NDC1: variants seen among roughly 807,000 people sequenced by gnomAD.
NDC1 encodes the protein NDC1 transmembrane nucleoporin.
Under a neutral mutation model 89.8 loss-of-function variants are expected in NDC1, and 24 were observed. The ratio of observed to expected loss-of-function variants is 0.27; its 90% CI spans 0.19 to 0.38. NDC1 has a LOEUF of 0.38. Ranked by LOEUF, NDC1 falls within the 10% of genes least tolerant of loss-of-function variation. NDC1 has a pLI of 1.00. For synonymous variants in NDC1, 296 were observed against 284.8 expected (o/e 1.04, Z -0.39); for missense variants, 728 against 797.6 (o/e 0.91, Z 1.05).
intron 9 of NDC1, among the ~76,000 whole-genome samples, chr1:53,806,031 G>A (rs1262507846): frequency 6.6e-6 from 1 of 151,956 alleles, no homozygotes; most frequent in Non-Finnish European, 1.5e-5. Flanking sequence ...CCGAGATCGC[G>A]CCACTGCACT....
chr1:53,806,434 G>T lies in NDC1; in HGVS notation c.975C>A (p.Pro325=), dbSNP rs766872115. Residue 325 remains proline (P), a synonymous_variant, in exon 9 of 18, where the codon CCC becomes CCA. Coordinates refer to ENST00000371429, the MANE Select transcript of NDC1 (RefSeq NM_018087.5). ...AACACAGTTTGGATACCTTTATGATGGGGGGAGGATTGCTATTTAACACTT... is the reference window on the plus strand; with the variant it reads ...AACACAGTTTGGATACCTTTATGATTGGGGGAGGATTGCTATTTAACACTT... ...LPKVLNSNPP[P]IIKYLALQDL... 3 of 1,533,340 alleles carry T rather than the reference G, an allele frequency of 2.0e-6. No homozygotes were observed. Among genetic ancestry groups the T allele is most frequent in the Non-Finnish European group, 2.6e-6 (3 of 1,148,200 alleles). 95.0% of individuals were successfully genotyped at this position (1,533,340 alleles called of 1,614,324 possible).
chr1:53,825,702 T>G lies in NDC1; in HGVS notation c.594+96A>C. On this transcript the variant is annotated intron_variant, in intron 5 of 17. Coordinates refer to ENST00000371429, the MANE Select transcript of NDC1 (RefSeq NM_018087.5). ...AGTTCTAAGTGTTGGTTATCAAATC[T>G]TGAATGAATCAGATAAATCCAGTTA... 2.9e-6 allele frequency: 3 copies of G among 1,035,762 alleles called. No individual in the cohort carries two copies. In the South Asian group the frequency reaches 5.7e-5, roughly 20 times the overall value. The allele number at this position is 1,035,762 out of a possible 1,614,324, so 64.2% of individuals were successfully genotyped here.
At chr1:53,813,944 G>A (rs531858085) in intron 6 of NDC1, among the ~76,000 whole-genome samples, 2 of 152,266 alleles carry the variant, frequency 1.3e-5, no homozygotes, top group African/African-American at 4.8e-5. Context: ...GATCACAGTG[G>A]AATAAAACTG....
At chr1:53,814,205 TG>T (rs1648403526) in intron 6 of NDC1, among the ~76,000 whole-genome samples, 1 of 151,878 alleles carries the variant, frequency 6.6e-6, no homozygotes, top group African/African-American at 2.4e-5. Flanking sequence ...TACAAAAAAA[TG>T]TAGCCGGGCG....
chr1:53,774,538 A>C (rs1302584192), intron 16 of NDC1, among the ~76,000 whole-genome samples: 1 of 152,182 alleles, frequency 6.6e-6, no homozygotes, highest in Non-Finnish European at 1.5e-5. Flanking sequence ...TGTAGTCTAA[A>C]ATCATTTTAC....
chr1:53,819,613 A>C (rs755437540), intron 5 of NDC1, among the ~76,000 whole-genome samples: 1 of 152,266 alleles, frequency 6.6e-6, no homozygotes, highest in Non-Finnish European at 1.5e-5. Flanking sequence ...CAGAGCCTCC[A>C]ATCTTAAAGA....
intron 2 of NDC1, among the ~76,000 whole-genome samples, chr1:53,834,388 TA>T (rs1649162839): frequency 1.3e-5 from 2 of 152,360 alleles, no homozygotes; most frequent in African/African-American, 4.8e-5. Context: ...GCTTATGGCT[TA>T]ATTTCACCTG....
intron 13 of NDC1, among the ~76,000 whole-genome samples, chr1:53,795,599 G>C (rs1000946275): frequency 3.3e-5 from 5 of 151,964 alleles, no homozygotes; most frequent in African/African-American, 1.2e-4. Flanking sequence ...ACTCTTTCTA[G>C]TATACACCAC....
chr1:53,804,889 G>T (rs1438294209), intron 9 of NDC1, among the ~76,000 whole-genome samples: 1 of 151,872 alleles, frequency 6.6e-6, no homozygotes, highest in African/African-American at 2.4e-5. Flanking sequence ...TTGGTCCCAA[G>T]CTGAATAAGA....
chr1:53,823,604 T>C (rs1648744099), intron 5 of NDC1, among the ~76,000 whole-genome samples: 1 of 152,178 alleles, frequency 6.6e-6, no homozygotes. Context: ...CAGCAAGGTA[T>C]TGTGGGGCAT....
chr1:53,830,882 C>T (rs191697037), intron 3 of NDC1, among the ~76,000 whole-genome samples: 2 of 147,702 alleles, frequency 1.4e-5, no homozygotes, highest in Admixed American at 6.9e-5. Flanking sequence ...AAATTCCTCC[C>T]GGTCTGAGTA....
At chr1:53,825,215 C>T (rs1004302998) in intron 5 of NDC1, among the ~76,000 whole-genome samples, 1 of 151,696 alleles carries the variant, frequency 6.6e-6, no homozygotes, top group South Asian at 2.1e-4. Context: ...GTGGCTCATG[C>T]CTGTAATTCC....
At chr1:53,791,514 T>G (rs923826400) in intron 14 of NDC1, among the ~76,000 whole-genome samples, 1 of 152,180 alleles carries the variant, frequency 6.6e-6, no homozygotes, top group African/African-American at 2.4e-5. Context: ...CTGCCTACCC[T>G]TCTTTAACGT....
intron 16 of NDC1, among the ~76,000 whole-genome samples, chr1:53,783,170 AG>A (rs1363691480): frequency 6.6e-6 from 1 of 152,040 alleles, no homozygotes; most frequent in Non-Finnish European, 1.5e-5. Flanking sequence ...GTGGGTTGAG[AG>A]GGTATACAAA....
chr1:53,832,496 A>G lies in NDC1; in HGVS notation c.274T>C (p.Tyr92His). The G allele has an allele frequency of 6.5e-7, 1 of 1,546,444 alleles. No homozygotes were observed. The highest frequency in any genetic ancestry group is 8.9e-7 in the Non-Finnish European group (1 of 1,120,268). Residue 92 changes from tyrosine (Y) to histidine (H), a missense_variant, in exon 3 of 18, where the codon TAT becomes CAT. By Grantham distance (83) the Tyr-to-His change is moderately conservative. Coordinates refer to ENST00000371429, the MANE Select transcript of NDC1 (RefSeq NM_018087.5). Reference protein sequence around the residue: ...IIISIFNVEFYAVVPSIPCSR... With the variant: ...IIISIFNVEFHAVVPSIPCSR... Reference sequence around the variant, plus strand: ...TTAACATTTGAAAACTCACCTGCATAGAACTCCACATTGAAAATACTTATT... The same window carrying G: ...TTAACATTTGAAAACTCACCTGCATGGAACTCCACATTGAAAATACTTATT...
intron 6 of NDC1, among the ~76,000 whole-genome samples, chr1:53,813,388 C>T (rs1433366244): frequency 6.6e-6 from 1 of 152,090 alleles, no homozygotes; most frequent in African/African-American, 2.4e-5. Flanking sequence ...AGGAGACTCA[C>T]CTAACACACA....
chr1:53,776,538 G>T (rs760592882), intron 16 of NDC1, among the ~76,000 whole-genome samples: 4 of 152,130 alleles, frequency 2.6e-5, no homozygotes, highest in Non-Finnish European at 5.9e-5. Flanking sequence ...AATTTCACCT[G>T]TATTTTGTTA....
chr1:53,770,721 C>T (rs1647105460), intron 17 of NDC1, among the ~76,000 whole-genome samples: 1 of 150,726 alleles, frequency 6.6e-6, no homozygotes, highest in African/African-American at 2.4e-5. Flanking sequence ...GAGGCACGAT[C>T]TCGGCTCACT....
chr1:53,817,536 A>G (rs768791028), intron 6 of NDC1, among the ~76,000 whole-genome samples: 1 of 152,214 alleles, frequency 6.6e-6, no homozygotes, highest in Non-Finnish European at 1.5e-5. Context: ...GGTGCAATGT[A>G]TACTGCTTGG....
Sources: allele counts gnomAD v4.1 joint callset (sites outside exome capture counted in the v4.1 genomes callset), GRCh38; gene constraint gnomAD v4.1.1; transcripts MANE v1.5; gene names NCBI Gene and HGNC (gene_info 2026-07-23, HGNC 2026-07-21).